Variants in ZFPM2 observed in about 807,000 individuals in gnomAD.
ZFPM2 encodes zinc finger protein ZFPM2.
A neutral mutation model predicts 98.6 loss-of-function variants in ZFPM2; 20 were observed. The ratio of observed to expected loss-of-function variants is 0.20; its 90% CI spans 0.14 to 0.29. The LOEUF (loss-of-function observed/expected upper bound fraction) is 0.29. Among genes scored for constraint, ZFPM2 ranks in the 10% least tolerant of loss-of-function variants. ZFPM2 has a pLI of 1.00. For synonymous variants in ZFPM2, 518 were observed against 502.7 expected, an observed-to-expected ratio of 1.03 and a Z score of -0.41; for missense variants, 1,310 against 1,388.6, an observed-to-expected ratio of 0.94 and a Z score of 0.90.
Position 105,363,708 on chromosome 8 carries a change from CCTAAGTTTGGGGAAACTTAGGAATG to C in ZFPM2, c.40+44753_40+44777del, listed in dbSNP as rs765265544. 8.0e-4 allele frequency among the ~76,000 whole-genome samples: 121 copies of C among 152,134 alleles called. 1 individual carries two copies. Among genetic ancestry groups the C allele is most frequent in the East Asian group, 5.6e-3 (29 of 5,170 alleles). ...GGTGCAATAATAAATGATATGTATT[CCTAAGTTTGGGGAAACTTAGGAATG>C]CTAAGTTTGGGGAAACTTAGGAATG... On this transcript the variant is annotated intron_variant, in intron 1 of 7. Transcript: ENST00000407775.
At chr8:105,737,968 G>T (rs566137019) in intron 5 of ZFPM2, among the ~76,000 whole-genome samples, 2 of 145,852 alleles carry the variant, frequency 1.4e-5, no homozygotes, top group Admixed American at 1.4e-4. Context: ...ATATAACCAA[G>T]AACCTAAAAA....
intron 2 of ZFPM2, among the ~76,000 whole-genome samples, chr8:105,435,204 A>G (rs1812096413): frequency 6.6e-6 from 1 of 152,214 alleles, no homozygotes; most frequent in Non-Finnish European, 1.5e-5. Context: ...AGGCCCACAA[A>G]ATACGTATGA....
At chr8:105,770,784 A>G (rs752942009) in intron 5 of ZFPM2, among the ~76,000 whole-genome samples, 2 of 152,188 alleles carry the variant, frequency 1.3e-5, no homozygotes, top group African/African-American at 4.8e-5. Flanking sequence ...ACAAACATCA[A>G]GCAATCAAAG....
chr8:105,683,640 C>T (rs1295042018), intron 5 of ZFPM2, among the ~76,000 whole-genome samples: 1 of 152,070 alleles, frequency 6.6e-6, no homozygotes, highest in Non-Finnish European at 1.5e-5. Flanking sequence ...TCCACGCTAA[C>T]CAAAATTACC....
At chr8:105,505,547 T>A (rs1295759181) in intron 3 of ZFPM2, among the ~76,000 whole-genome samples, 1 of 152,164 alleles carries the variant, frequency 6.6e-6, no homozygotes. Context: ...ACTTTTTTTT[T>A]TCTGTTGACA....
chr8:105,607,374 G>C (rs1309358627), intron 4 of ZFPM2, among the ~76,000 whole-genome samples: 1 of 152,020 alleles, frequency 6.6e-6, no homozygotes, highest in Non-Finnish European at 1.5e-5. Flanking sequence ...ATTAATGAGA[G>C]ATCTGAGAAA....
At chr8:105,748,142 CCA>C (rs1156259465) in intron 5 of ZFPM2, among the ~76,000 whole-genome samples, 1 of 151,898 alleles carries the variant, frequency 6.6e-6, no homozygotes, top group Non-Finnish European at 1.5e-5. Flanking sequence ...AAAGTAGAGA[CCA>C]CACACACCTA....
At chr8:105,510,237 G>T (rs1221537059) in intron 3 of ZFPM2, among the ~76,000 whole-genome samples, 1 of 152,096 alleles carries the variant, frequency 6.6e-6, no homozygotes, top group Non-Finnish European at 1.5e-5. Context: ...AAAGAGCCAA[G>T]TCACCTCACT....
At chr8:105,450,604 T>C (rs1179700655) in intron 3 of ZFPM2, among the ~76,000 whole-genome samples, 1 of 152,136 alleles carries the variant, frequency 6.6e-6, no homozygotes, top group African/African-American at 2.4e-5. Flanking sequence ...GAAATGACTC[T>C]TGCCGGATGA....
chr8:105,712,865 T>C (rs1467855701), intron 5 of ZFPM2, among the ~76,000 whole-genome samples: 1 of 152,126 alleles, frequency 6.6e-6, no homozygotes, highest in East Asian at 1.9e-4. Context: ...GCTGCATCCA[T>C]GTTGCTGCAA....
intron 4 of ZFPM2, among the ~76,000 whole-genome samples, chr8:105,627,410 C>T (rs1355060141): frequency 6.6e-6 from 1 of 151,938 alleles, no homozygotes; most frequent in Non-Finnish European, 1.5e-5. Flanking sequence ...CAAAAGTGCA[C>T]AAGATTTCTT....
rs746947328 is a variant in ZFPM2 at position 105,456,933 on chromosome 8, G to A, written c.301+12552G>A. ...CTCCCAAAGTGCTGGGATTACAGACGTGAGCCACTGCGCCTGGCCGTGTTA... is the reference window on the plus strand; with the variant it reads ...CTCCCAAAGTGCTGGGATTACAGACATGAGCCACTGCGCCTGGCCGTGTTA... On this transcript the variant is annotated intron_variant, in intron 3 of 7. Transcript: ENST00000407775. Among the ~76,000 whole-genome samples the A allele has an allele frequency of 2.0e-5, 3 of 152,254 alleles. No homozygotes were observed. In the East Asian group the frequency reaches 5.8e-4, roughly 29 times the overall value.
chr8:105,446,454 A>G (rs974851009), intron 3 of ZFPM2, among the ~76,000 whole-genome samples: 6 of 152,154 alleles, frequency 3.9e-5, no homozygotes, highest in South Asian at 2.1e-4. Context: ...TAAAATGCCA[A>G]ACACATGCTG....
At chr8:105,683,753 G>A (rs1294654316) in intron 5 of ZFPM2, among the ~76,000 whole-genome samples, 1 of 152,018 alleles carries the variant, frequency 6.6e-6, no homozygotes, top group Admixed American at 6.6e-5. Context: ...ATTTTTCCAG[G>A]TTGAATTAGA....
intron 5 of ZFPM2, among the ~76,000 whole-genome samples, chr8:105,658,866 G>A (rs1033604135): frequency 6.6e-6 from 1 of 152,104 alleles, no homozygotes; most frequent in African/African-American, 2.4e-5. Context: ...CCAAAGCCCT[G>A]AAAAATATCA....
intron 4 of ZFPM2, among the ~76,000 whole-genome samples, chr8:105,581,444 A>G (rs1455946406): frequency 6.6e-6 from 1 of 151,198 alleles, no homozygotes; most frequent in Non-Finnish European, 1.5e-5. Flanking sequence ...TAAAGAATAG[A>G]AACAAGCCTT....
chr8:105,798,300 A>G (rs893589146), intron 6 of ZFPM2: 1 of 154,750 alleles, frequency 6.5e-6, no homozygotes, highest in African/African-American at 2.4e-5. Context: ...AAATACAAAA[A>G]TTAGCCAGGC....
chr8:105,596,610 T>C (rs1815974823), intron 4 of ZFPM2, among the ~76,000 whole-genome samples: 1 of 151,972 alleles, frequency 6.6e-6, no homozygotes, highest in African/African-American at 2.4e-5. Context: ...CTTTTGTGTA[T>C]CAGTGGTGAG....
At chr8:105,566,486 T>G (rs1454588996) in intron 4 of ZFPM2, among the ~76,000 whole-genome samples, 2 of 152,186 alleles carry the variant, frequency 1.3e-5, no homozygotes, top group Admixed American at 1.3e-4. Flanking sequence ...GGATGTGTTT[T>G]AGAACATCTA....
Sources: allele counts gnomAD v4.1 joint callset (sites outside exome capture counted in the v4.1 genomes callset), GRCh38; gene constraint gnomAD v4.1.1; transcripts MANE v1.5; gene names NCBI Gene and HGNC (gene_info 2026-07-23, HGNC 2026-07-21).